PACRG: variants seen among roughly 807,000 people sequenced by gnomAD.
PACRG encodes parkin coregulated gene protein.
In PACRG, 29 loss-of-function variants were observed where a neutral mutation model predicts 29.7. The observed-to-expected ratio is 0.98, with a 90% CI of 0.73 to 1.33. PACRG has a LOEUF of 1.33. Ranked by LOEUF, PACRG falls within the 40% of genes most tolerant of loss-of-function variation. The pLI, the probability that PACRG is intolerant of heterozygous loss-of-function variation, is 0.00. For missense variants in PACRG, 279 were observed against 316.2 expected (o/e 0.88, Z 0.89); for synonymous variants, 116 against 118.7 (o/e 0.98, Z 0.15).
chr6:163,220,112 G>T (rs1194748105), intron 4 of PACRG, among the ~76,000 whole-genome samples: 1 of 152,068 alleles, frequency 6.6e-6, no homozygotes, highest in Non-Finnish European at 1.5e-5. Flanking sequence ...ACCACCACCT[G>T]CCCAGAATCC....
At chr6:163,201,207 AAACCTTT>A (rs1347050422) in intron 4 of PACRG, among the ~76,000 whole-genome samples, 18 of 152,242 alleles carry the variant, frequency 1.2e-4, no homozygotes, top group African/African-American at 3.6e-4. Flanking sequence ...GAATTGGTGA[AAACCTTT>A]AATTTACAGA....
At chr6:162,875,835 C>T (rs1333199969) in intron 2 of PACRG, among the ~76,000 whole-genome samples, 1 of 152,166 alleles carries the variant, frequency 6.6e-6, no homozygotes, top group East Asian at 1.9e-4. Flanking sequence ...GGTCTTCTTC[C>T]TCCAGTATGA....
intron 4 of PACRG, among the ~76,000 whole-genome samples, chr6:163,217,976 G>T (rs943511905): frequency 6.6e-6 from 1 of 152,118 alleles, no homozygotes; most frequent in Non-Finnish European, 1.5e-5. Flanking sequence ...CACTTGAACC[G>T]TGAAACCCTC....
At chr6:162,797,653 T>A (rs1481034394) in intron 1 of PACRG, among the ~76,000 whole-genome samples, 4 of 152,218 alleles carry the variant, frequency 2.6e-5, no homozygotes, top group Non-Finnish European at 2.9e-5. Flanking sequence ...AATATTTGTT[T>A]TTTTCTCATT....
chr6:162,771,866 AG>A (rs567317529), intron 1 of PACRG, among the ~76,000 whole-genome samples: 92 of 152,152 alleles, frequency 6.0e-4, no homozygotes, highest in Middle Eastern at 6.8e-3. Context: ...TCTCGGATGG[AG>A]GTAAGTGGAG....
chr6:163,007,055 A>G (rs979646699), intron 2 of PACRG, among the ~76,000 whole-genome samples: 1 of 151,612 alleles, frequency 6.6e-6, no homozygotes, highest in Non-Finnish European at 1.5e-5. Flanking sequence ...ATTCCCTTGT[A>G]TTTCATGTAT....
chr6:162,780,199 T>C (rs1442316874), intron 1 of PACRG, among the ~76,000 whole-genome samples: 1 of 152,088 alleles, frequency 6.6e-6, no homozygotes, highest in Non-Finnish European at 1.5e-5. Context: ...CTTTTCCCAA[T>C]AGCCAGAGTG....
rs78207815 is a variant in PACRG, at chr6:163,209,192, C to T, written c.614-105635C>T. Among the ~76,000 whole-genome samples the T allele has an allele frequency of 9.8e-5, 15 of 152,300 alleles. No homozygotes were observed. In the East Asian group the frequency reaches 2.1e-3, roughly 22 times the overall value. On this transcript the variant is annotated intron_variant, in intron 4 of 4. Transcript: ENST00000366888. ...ACTGTTGTTAGTATTTATCAGGAAA[C>T]GTGATGAGTGGCCCTGAAATAGAGC...
intron 2 of PACRG, among the ~76,000 whole-genome samples, chr6:162,838,862 G>A (rs1330881216): frequency 6.1e-5 from 9 of 148,686 alleles, no homozygotes; most frequent in Non-Finnish European, 1.2e-4. Flanking sequence ...TTGTTCTTGC[G>A]ATAGTTTACT....
chr6:163,187,593 A>C (rs1012119015), intron 4 of PACRG: 1 of 152,250 alleles, frequency 6.6e-6, no homozygotes, highest in African/African-American at 2.4e-5. Flanking sequence ...TGGATTTCCC[A>C]GCCCCGAATC....
chr6:163,297,475 A>C (rs1784818796), intron 4 of PACRG, among the ~76,000 whole-genome samples: 1 of 152,010 alleles, frequency 6.6e-6, no homozygotes, highest in Non-Finnish European at 1.5e-5. Context: ...CTCCAAGTTC[A>C]TCTCCCAGGA....
intron 4 of PACRG, among the ~76,000 whole-genome samples, chr6:163,229,016 A>T (rs1486154238): frequency 1.3e-5 from 2 of 152,254 alleles, no homozygotes; most frequent in African/African-American, 4.8e-5. Flanking sequence ...TTATAAAAAT[A>T]GTAAACATTT....
At position 162,771,149 on chromosome 6, in the gene PACRG, A is replaced by G. The variant is rs73601967; in HGVS notation, c.156+42758A>G. On this transcript the variant is annotated intron_variant, in intron 1 of 4. Coordinates refer to ENST00000366888, the MANE Select transcript of PACRG (RefSeq NM_001080379.2). ...ATGATGAAATAACCTTGTTATTACC[A>G]TTTTAGTTACTTTATGATGAAATAA... Among the ~76,000 whole-genome samples, 433 of 152,308 alleles carry G rather than the reference A, an allele frequency of 2.8e-3. 3 individuals are homozygous for G. Among genetic ancestry groups the G allele is most frequent in the African/African-American group, 9.9e-3 (413 of 41,578 alleles).
chr6:162,922,530 T>C (rs1295126466), intron 2 of PACRG, among the ~76,000 whole-genome samples: 4 of 152,018 alleles, frequency 2.6e-5, no homozygotes, highest in Non-Finnish European at 5.9e-5. Flanking sequence ...GTAGCTATAA[T>C]TTGGTATCCC....
intron 4 of PACRG, among the ~76,000 whole-genome samples, chr6:163,129,714 G>A (rs568975350): frequency 1.7e-3 from 254 of 151,748 alleles, no homozygotes; most frequent in African/African-American, 5.9e-3. Context: ...ACCTCTTTCC[G>A]ACTGTACATC....
At chr6:162,730,618 T>G (rs963866578) in intron 1 of PACRG, among the ~76,000 whole-genome samples, 3 of 152,288 alleles carry the variant, frequency 2.0e-5, no homozygotes, top group Middle Eastern at 6.8e-3. Flanking sequence ...AAATGCTTAT[T>G]TAAACAATCT....
intron 4 of PACRG, among the ~76,000 whole-genome samples, chr6:163,150,390 T>C (rs373854916): frequency 6.6e-6 from 1 of 152,182 alleles, no homozygotes; most frequent in African/African-American, 2.4e-5. Context: ...AATCCTCCTC[T>C]ACAGGCTTCT....
intron 2 of PACRG, among the ~76,000 whole-genome samples, chr6:162,820,280 C>A (rs1258867450): frequency 6.6e-6 from 1 of 152,022 alleles, no homozygotes; most frequent in Non-Finnish European, 1.5e-5. Context: ...TTCAGTATTT[C>A]TTCTCTGGCA....
intron 2 of PACRG, among the ~76,000 whole-genome samples, chr6:162,987,685 T>C (rs1165615485): frequency 6.6e-6 from 1 of 152,214 alleles, no homozygotes; most frequent in Admixed American, 6.5e-5. Flanking sequence ...TCTTTATAAA[T>C]TACCCAGTCT....
Sources: allele counts gnomAD v4.1 joint callset (sites outside exome capture counted in the v4.1 genomes callset), GRCh38; gene constraint gnomAD v4.1.1; transcripts MANE v1.5; gene names NCBI Gene and HGNC (gene_info 2026-07-23, HGNC 2026-07-21).